Variants in MMUT observed in about 807,000 individuals in gnomAD.
MMUT encodes the protein methylmalonyl-CoA mutase, mitochondrial.
A neutral mutation model predicts 79.9 loss-of-function variants in MMUT; 79 were observed. The observed-to-expected ratio is 0.99, with a 90% CI of 0.82 to 1.19. The LOEUF is 1.19. MMUT is among the 50% of genes most tolerant of loss of function. MMUT has a pLI of 0.00. For missense variants in MMUT, 860 were observed against 917.2 expected (o/e 0.94, Z 0.81); for synonymous variants, 273 against 295.7 (o/e 0.92, Z 0.79).
rs1309907449 is a variant in MMUT, at chr6:49,444,291, C to G, written c.1676+348G>C. Among the ~76,000 whole-genome samples, 8 of 152,092 alleles carry G rather than the reference C, an allele frequency of 5.3e-5. No individual in the cohort carries two copies. The East Asian group carries it at 1.2e-3, about 22-fold the overall frequency. On this transcript the variant is annotated intron_variant, in intron 9 of 12. Transcript: ENST00000274813. Reference sequence around the variant, plus strand: ...CAGATTAATGTTCCCCTCCCCACCCCACAGCCATTTTAACTGGTAAAATAC... The same window carrying G: ...CAGATTAATGTTCCCCTCCCCACCCGACAGCCATTTTAACTGGTAAAATAC...
intron 11 of MMUT, among the ~76,000 whole-genome samples, chr6:49,436,801 T>C (rs555009635): frequency 2.8e-4 from 43 of 152,260 alleles, no homozygotes; most frequent in African/African-American, 8.7e-4. Context: ...TGGATGAAGC[T>C]GGAAGCCATT....
At chr6:49,455,974 C>T in intron 4 of MMUT, 106 bp downstream of exon 4, 1 of 1,019,168 alleles carries the variant, frequency 9.8e-7, no homozygotes, top group Non-Finnish European at 1.4e-6. Flanking sequence ...ATAAGAAAAT[C>T]TAAATCTAGC....
Position 49,440,485 on chromosome 6 carries a change from G to T in MMUT, c.1809-132C>A. 7 of 1,028,664 alleles carry T rather than the reference G, an allele frequency of 6.8e-6. No individual in the cohort carries two copies. In the South Asian group the frequency reaches 7.9e-5, roughly 12 times the overall value. 63.7% of individuals were successfully genotyped at this position (1,028,664 alleles called of 1,614,324 possible). ...CCTAATTTGTTTACTTGTATTTTGG[G>T]TTGTTTTTTTTTTCCAATTTTTATT... On this transcript the variant is annotated intron_variant, in intron 10 of 12. Transcript: ENST00000274813.
chr6:49,441,689 T>A (rs1436749789), intron 10 of MMUT, 151 bp downstream of exon 10: 3 of 292,416 alleles, frequency 1.0e-5, no homozygotes, highest in South Asian at 9.5e-5. Flanking sequence ...TGTTATATAG[T>A]CTATATAATT....
intron 5 of MMUT, among the ~76,000 whole-genome samples, chr6:49,453,084 C>A (rs1767596741): frequency 6.7e-6 from 1 of 148,372 alleles, no homozygotes; most frequent in African/African-American, 2.5e-5. Context: ...TCTTGTTGCC[C>A]AGGCTGGAGT....
chr6:49,459,320 C>T lies in MMUT; in HGVS notation c.147G>A (p.Lys49=). The change falls in exon 2 of 13, where the codon AAG becomes AAA. Residue 49 remains lysine, a synonymous_variant. Coordinates refer to ENST00000274813, the MANE Select transcript of MMUT (RefSeq NM_000255.4). The part of the protein sequence containing the change: ...LHPEWAALAK[K]QLKGKNPEDL... ...CTTCTGGGTTTTTGCCTTTCAGCTG[C>T]TTTTTAGCCAGGGCAGCCCATTCTG... The T allele has an allele frequency of 6.2e-7, 1 of 1,614,112 alleles. No individual in the cohort carries two copies.
Position 49,456,115 on chromosome 6 carries a change from G to A in MMUT, c.876C>T (p.Leu292=). 6.2e-7 allele frequency: 1 copy of A among 1,613,602 alleles called. No homozygotes were observed. Among genetic ancestry groups the A allele is most frequent in the Non-Finnish European group, 8.5e-7 (1 of 1,179,652 alleles). Residue 292 remains leucine (L), a synonymous_variant, in exon 4 of 13, where the codon CTC becomes CTT. Coordinates refer to ENST00000274813, the MANE Select transcript of MMUT (RefSeq NM_000255.4). Reference sequence around the variant, plus strand: ...ATTCATCAATTGTCAGGCCAGCCTGGAGTCCAGTTCTAGAGTACTCCAATC... The same window carrying A: ...ATTCATCAATTGTCAGGCCAGCCTGAAGTCCAGTTCTAGAGTACTCCAATC... ...ADGLEYSRTG[L]QAGLTIDEFA...
chr6:49,451,994 T>G (rs1003963285), intron 5 of MMUT, among the ~76,000 whole-genome samples: 1 of 152,216 alleles, frequency 6.6e-6, no homozygotes, highest in Non-Finnish European at 1.5e-5. Context: ...ATATCAACAA[T>G]GCATTCTTTT....
At chr6:49,451,370 T>C (rs1342382716) in intron 6 of MMUT, 96 bp downstream of exon 6, 1 of 1,355,016 alleles carries the variant, frequency 7.4e-7, no homozygotes, top group African/African-American at 1.5e-5. Context: ...TTTATAAATT[T>C]AAAATCTATA....
chr6:49,461,807 G>A (rs1052916384), intron 1 of MMUT, among the ~76,000 whole-genome samples: 1 of 151,938 alleles, frequency 6.6e-6, no homozygotes, highest in Non-Finnish European at 1.5e-5. Flanking sequence ...TTTAATACTA[G>A]CACGATTTTT....
At chr6:49,437,972 T>G (rs887885688) in intron 11 of MMUT, among the ~76,000 whole-genome samples, 1 of 152,120 alleles carries the variant, frequency 6.6e-6, no homozygotes, top group African/African-American at 2.4e-5. Flanking sequence ...ACTATAGTTA[T>G]AGTATAGTAT....
At chr6:49,434,076 A>G (rs774587777) in intron 12 of MMUT, among the ~76,000 whole-genome samples, 14 of 152,100 alleles carry the variant, frequency 9.2e-5, no homozygotes, top group Non-Finnish European at 1.9e-4. Flanking sequence ...ATGAATTCCA[A>G]TTCAAATGTT....
chr6:49,460,827 A>G (rs965553857), intron 1 of MMUT, among the ~76,000 whole-genome samples: 1 of 152,218 alleles, frequency 6.6e-6, no homozygotes, highest in African/African-American at 2.4e-5. Flanking sequence ...CTCAACACTT[A>G]TTATGGGGTC....
At chr6:49,440,394 T>A in intron 10 of MMUT, 41 bp from the exon 11 acceptor site, 1 of 1,593,990 alleles carries the variant, frequency 6.3e-7, no homozygotes, top group East Asian at 2.2e-5. Flanking sequence ...TAGATACTAA[T>A]TTTCCAAAGG....
chr6:49,457,400 A>G (rs189386871), intron 3 of MMUT, among the ~76,000 whole-genome samples: 3 of 152,330 alleles, frequency 2.0e-5, no homozygotes, highest in Admixed American at 1.3e-4. Flanking sequence ...TCACAACTGC[A>G]TCTGAATTTC....
rs963148079 is a variant in MMUT, at chr6:49,435,668, T to C, written c.1957-45A>G. 14 of 1,571,630 alleles carry C rather than the reference T, an allele frequency of 8.9e-6. No homozygotes were observed. The African/African-American group carries it at 1.8e-4, about 20-fold the overall frequency. ...AGATAAATCATTGTTTATTACTAGA[T>C]AATGACTATAAAAACCCTGGAAGAC... On this transcript the variant is annotated intron_variant, in intron 11 of 12. Coordinates refer to ENST00000274813, the MANE Select transcript of MMUT (RefSeq NM_000255.4).
Position 49,440,390 on chromosome 6 carries a change from C to T in MMUT, c.1809-37G>A, listed in dbSNP as rs199592843. 3.6e-5 allele frequency: 57 copies of T among 1,600,074 alleles called. No homozygotes were observed. The Admixed American group carries it at 8.9e-4, about 25-fold the overall frequency. On this transcript the variant is annotated intron_variant, in intron 10 of 12. Transcript: ENST00000274813. ...TTAAAAATATATCAGTAGTTAGATA[C>T]TAATTTTCCAAAGGGAAGATATAAA...
intron 11 of MMUT, 117 bp downstream of exon 11, chr6:49,440,089 A>G (rs1217037043): frequency 1.5e-6 from 2 of 1,345,742 alleles, no homozygotes; most frequent in African/African-American, 2.9e-5. Context: ...CAGTGGCTAC[A>G]TACCAGTTAC....
At chr6:49,448,765 A>G in intron 7 of MMUT, 51 bp downstream of exon 7, 1 of 1,402,826 alleles carries the variant, frequency 7.1e-7, no homozygotes, top group Non-Finnish European at 1.0e-6. Context: ...AACAGAAATG[A>G]ATTTCTTTTT....
Sources: gnomAD v4.1 joint callset for allele counts (sites outside exome capture counted in the v4.1 genomes callset) on GRCh38, gnomAD v4.1.1 for gene constraint, MANE v1.5 for transcripts, NCBI Gene and HGNC (gene_info 2026-07-23, HGNC 2026-07-21) for gene names.